The following CCDC60 variants were observed in gnomAD, a reference collection of about 807,000 sequenced individuals.
The protein encoded by CCDC60 is coiled-coil domain containing 60.
In CCDC60, 54 loss-of-function variants were observed where a neutral mutation model predicts 63.5. That is an observed-to-expected ratio of 0.85 (90% CI 0.68 to 1.07). The LOEUF is 1.07. CCDC60 is among the 50% of genes least tolerant of loss of function. The pLI, the probability that CCDC60 is intolerant of heterozygous loss-of-function variation, is 0.00. For synonymous variants in CCDC60, 206 were observed against 238.8 expected (o/e 0.86, Z 1.27); for missense variants, 651 against 684.3 (o/e 0.95, Z 0.54).
chr12:119,449,751 G>C (rs1226286695), intron 2 of CCDC60, among the ~76,000 whole-genome samples: 1 of 152,108 alleles, frequency 6.6e-6, no homozygotes, highest in African/African-American at 2.4e-5. Context: ...GGCCAGACAG[G>C]TCAATCAGCA....
intron 1 of CCDC60, among the ~76,000 whole-genome samples, chr12:119,408,362 C>G (rs1593044097): frequency 6.6e-6 from 1 of 152,290 alleles, no homozygotes; most frequent in East Asian, 1.9e-4. Context: ...CTCCTGAGGC[C>G]ACACTGAAGA....
chr12:119,435,194 C>T (rs1950302487), intron 2 of CCDC60, among the ~76,000 whole-genome samples: 1 of 152,132 alleles, frequency 6.6e-6, no homozygotes, highest in Non-Finnish European at 1.5e-5. Flanking sequence ...ACAGTAGGCA[C>T]CATGTCATGT....
rs1956565064 is a variant in CCDC60, at chr12:119,410,039, C to A, written c.91-18644C>A. ...CTCCAAAGACTCAAGAGTTTGGCATCAACCTGCTCCAGCCTCCTTATAGTC... is the reference window on the plus strand; with the variant it reads ...CTCCAAAGACTCAAGAGTTTGGCATAAACCTGCTCCAGCCTCCTTATAGTC... On this transcript the variant is annotated intron_variant, in intron 1 of 13. Coordinates refer to ENST00000327554, the MANE Select transcript of CCDC60 (RefSeq NM_178499.5). The surrounding 1 kb of genome is among the most constrained non-coding windows in gnomAD (Gnocchi z 4.0). Among the ~76,000 whole-genome samples the A allele has an allele frequency of 1.3e-5, 2 of 152,212 alleles. No homozygotes were observed. The highest frequency in any genetic ancestry group is 1.3e-4 in the Admixed American group (2 of 15,278).
chr12:119,498,066 G>A (rs1465394988), intron 5 of CCDC60, among the ~76,000 whole-genome samples: 2 of 152,162 alleles, frequency 1.3e-5, no homozygotes, highest in Non-Finnish European at 2.9e-5. Context: ...TGTGGTGGCT[G>A]TTCGCTGGTA....
intron 1 of CCDC60, among the ~76,000 whole-genome samples, chr12:119,409,155 G>T (rs752726587): frequency 6.6e-6 from 1 of 152,144 alleles, no homozygotes; most frequent in Non-Finnish European, 1.5e-5. Flanking sequence ...CACAGACTCC[G>T]GTGTAGGGGA....
intron 3 of CCDC60, among the ~76,000 whole-genome samples, 163 bp downstream of exon 3, chr12:119,472,327 C>T (rs1024577718): frequency 1.3e-5 from 2 of 152,170 alleles, no homozygotes; most frequent in Admixed American, 1.3e-4. Flanking sequence ...ACCTTGATAG[C>T]CTCGCTTTCT....
intron 11 of CCDC60, 35 bp from the exon 12 acceptor site, chr12:119,528,580 T>G: frequency 6.3e-7 from 1 of 1,595,506 alleles, no homozygotes; most frequent in African/African-American, 1.3e-5. Flanking sequence ...GGAGGGGATC[T>G]CATTCTTCTC....
intron 1 of CCDC60, among the ~76,000 whole-genome samples, chr12:119,346,582 AG>A (rs1349909208): frequency 6.6e-6 from 1 of 152,162 alleles, no homozygotes; most frequent in Non-Finnish European, 1.5e-5. Context: ...TCTGGAAGAA[AG>A]GGGAAAGTGC....
Position 119,400,130 on chromosome 12 carries a change from A to G in CCDC60, c.91-28553A>G, listed in dbSNP as rs183534816. On this transcript the variant is annotated intron_variant, in intron 1 of 13. Transcript: ENST00000327554. ...AGTGGCGCGATCTCAGCTCACTGCA[A>G]CCTCCGCCTCCGGGGTTCACACCAT... Among the ~76,000 whole-genome samples the G allele has an allele frequency of 1.9e-3, 280 of 149,838 alleles. 2 individuals carry two copies. The highest frequency in any genetic ancestry group is 3.7e-3 in the Admixed American group (56 of 14,948).
chr12:119,362,152 G>C (rs544428479), intron 1 of CCDC60, among the ~76,000 whole-genome samples: 1 of 152,102 alleles, frequency 6.6e-6, no homozygotes, highest in South Asian at 2.1e-4. Context: ...TTACCTACTT[G>C]TATGTATTTA....
intron 1 of CCDC60, among the ~76,000 whole-genome samples, chr12:119,352,444 C>T (rs1347190271): frequency 1.3e-5 from 2 of 152,180 alleles, no homozygotes; most frequent in African/African-American, 2.4e-5. Flanking sequence ...GGTGTTATCA[C>T]CTCTTTTTTA....
At chr12:119,424,390 G>C (rs573184503) in intron 1 of CCDC60, among the ~76,000 whole-genome samples, 2 of 152,276 alleles carry the variant, frequency 1.3e-5, no homozygotes, top group African/African-American at 4.8e-5. Context: ...ACATACCACT[G>C]TCTGGATAGA....
chr12:119,494,009 C>T (rs1186491531), intron 5 of CCDC60, among the ~76,000 whole-genome samples: 1 of 152,218 alleles, frequency 6.6e-6, no homozygotes, highest in Admixed American at 6.5e-5. Flanking sequence ...AGGCCACTAA[C>T]AGCCTCCCAT....
At chr12:119,432,766 TA>T (rs1217484143) in intron 2 of CCDC60, among the ~76,000 whole-genome samples, 1 of 152,228 alleles carries the variant, frequency 6.6e-6, no homozygotes. Flanking sequence ...CAGCTATTGT[TA>T]AAGATTAATT....
At chr12:119,526,921 C>T (rs1467532229) in intron 11 of CCDC60, among the ~76,000 whole-genome samples, 5 of 152,140 alleles carry the variant, frequency 3.3e-5, no homozygotes, top group African/African-American at 1.2e-4. Flanking sequence ...GTATATACTA[C>T]CCAAAGGAAT....
At chr12:119,425,603 A>T (rs977967074) in intron 1 of CCDC60, among the ~76,000 whole-genome samples, 22 of 152,204 alleles carry the variant, frequency 1.4e-4, no homozygotes, top group African/African-American at 5.1e-4. Flanking sequence ...GCACCGTGGA[A>T]CGAGTTTTTC....
intron 8 of CCDC60, among the ~76,000 whole-genome samples, chr12:119,518,610 T>C (rs1423605150): frequency 1.3e-5 from 2 of 152,240 alleles, no homozygotes; most frequent in Non-Finnish European, 2.9e-5. Flanking sequence ...AAATAACATC[T>C]AGTTCAATGA....
chr12:119,445,700 A>C (rs1263219651), intron 2 of CCDC60, among the ~76,000 whole-genome samples: 1 of 152,084 alleles, frequency 6.6e-6, no homozygotes, highest in Non-Finnish European at 1.5e-5. Flanking sequence ...AAGCTTTAGA[A>C]ATTATTCAGG....
At chr12:119,350,911 C>T (rs1373693322) in intron 1 of CCDC60, among the ~76,000 whole-genome samples, 2 of 152,194 alleles carry the variant, frequency 1.3e-5, no homozygotes, top group Non-Finnish European at 2.9e-5. Flanking sequence ...ACACCCCTGA[C>T]ATACCACTGA....
Sources: gnomAD v4.1 joint callset for allele counts (sites outside exome capture counted in the v4.1 genomes callset) on GRCh38, gnomAD v4.1.1 for gene constraint, Gnocchi (gnomAD v3.1) non-coding constraint, MANE v1.5 for transcripts, NCBI Gene and HGNC (gene_info 2026-07-23, HGNC 2026-07-21) for gene names.